FGF12: variants seen among roughly 807,000 people sequenced by gnomAD.
FGF12 encodes the protein fibroblast growth factor 12B.
FGF12 carries 14 observed loss-of-function variants against 23.6 expected under a neutral mutation model. The ratio of observed to expected loss-of-function variants is 0.59; its 90% CI spans 0.39 to 0.93. FGF12 has a LOEUF of 0.93. Among genes scored for constraint, FGF12 ranks in the 40% least tolerant of loss-of-function variants. FGF12 has a pLI of 0.00. For synonymous variants in FGF12, 62 were observed against 77.3 expected, an observed-to-expected ratio of 0.80 and a Z score of 1.04; for missense variants, 175 against 217.8, an observed-to-expected ratio of 0.80 and a Z score of 1.24.
At chr3:192,334,571 G>A (rs973579635) in intron 4 of FGF12, among the ~76,000 whole-genome samples, 1 of 151,914 alleles carries the variant, frequency 6.6e-6, no homozygotes, top group Non-Finnish European at 1.5e-5. Flanking sequence ...TTCTCTCAAC[G>A]CATAAATTAT....
At chr3:192,636,311 T>A (rs1169096896) in intron 2 of FGF12, among the ~76,000 whole-genome samples, 6 of 152,184 alleles carry the variant, frequency 3.9e-5, no homozygotes, top group African/African-American at 9.7e-5. Flanking sequence ...AAGTTGAAAT[T>A]TATTTCCTTG....
At chr3:192,637,575 C>A (rs546294933) in intron 2 of FGF12, among the ~76,000 whole-genome samples, 1 of 152,248 alleles carries the variant, frequency 6.6e-6, no homozygotes, top group Admixed American at 6.5e-5. Flanking sequence ...AGGCTCTGTG[C>A]TAAGAGCTGT....
chr3:192,438,402 A>G (rs1011170159), intron 2 of FGF12, among the ~76,000 whole-genome samples: 2 of 152,214 alleles, frequency 1.3e-5, no homozygotes, highest in Admixed American at 6.5e-5. Flanking sequence ...GAAGGTATAA[A>G]TGGATACAAA....
chr3:192,232,439 T>C (rs1719069759), intron 4 of FGF12, among the ~76,000 whole-genome samples: 1 of 151,894 alleles, frequency 6.6e-6, no homozygotes, highest in Admixed American at 6.6e-5. Context: ...CAGGAAAGAG[T>C]TCTCATAATT....
intron 4 of FGF12, among the ~76,000 whole-genome samples, chr3:192,183,587 G>T (rs530578739): frequency 1.3e-5 from 2 of 152,296 alleles, no homozygotes; most frequent in South Asian, 4.1e-4. Context: ...TCATTTACCT[G>T]TATCATGTTT....
At chr3:192,401,629 T>C (rs900015291) in intron 2 of FGF12, among the ~76,000 whole-genome samples, 1 of 152,190 alleles carries the variant, frequency 6.6e-6, no homozygotes, top group Admixed American at 6.5e-5. Flanking sequence ...AAAGGCAAAG[T>C]GCCCAATTAA....
At chr3:192,487,908 G>A (rs1332737524) in intron 2 of FGF12, among the ~76,000 whole-genome samples, 1 of 152,056 alleles carries the variant, frequency 6.6e-6, no homozygotes, top group African/African-American at 2.4e-5. Flanking sequence ...TGGGACCTGG[G>A]AAGCTTCTCA....
chr3:192,533,576 G>A (rs75576447), intron 2 of FGF12, among the ~76,000 whole-genome samples: 2,156 of 152,278 alleles, frequency 0.014, 44 homozygotes, highest in African/African-American at 0.046. Context: ...AGAGCTTCTT[G>A]AATTTAGAAA....
At chr3:192,517,823 A>G (rs553979108) in intron 2 of FGF12, among the ~76,000 whole-genome samples, 1 of 152,162 alleles carries the variant, frequency 6.6e-6, no homozygotes, top group Non-Finnish European at 1.5e-5. Flanking sequence ...CAGGATTTCA[A>G]TGTTCATGCT....
At chr3:192,191,792 C>T (rs1476748758) in intron 4 of FGF12, among the ~76,000 whole-genome samples, 1 of 150,714 alleles carries the variant, frequency 6.6e-6, no homozygotes. Flanking sequence ...GCAGAGATCA[C>T]GCCACTGTAC....
chr3:192,676,464 T>C (rs952613059), intron 2 of FGF12, among the ~76,000 whole-genome samples: 1 of 152,240 alleles, frequency 6.6e-6, no homozygotes, highest in Non-Finnish European at 1.5e-5. Context: ...AGCTTCCTGT[T>C]TTGTGGTCCA....
intron 4 of FGF12, among the ~76,000 whole-genome samples, chr3:192,331,093 A>G (rs989521006): frequency 1.3e-5 from 2 of 152,168 alleles, no homozygotes; most frequent in South Asian, 2.1e-4. Context: ...ACAAATGACT[A>G]GCAGGTATGT....
At position 192,258,674 on chromosome 3, in the gene FGF12, A is replaced by C. The variant is rs577740163; in HGVS notation, c.228+76687T>G. ...AAGCATTTTATTTTTATACTATTAAAGAAAGTATAAAAACTTTTGGGTGAC... is the reference window on the plus strand; with the variant it reads ...AAGCATTTTATTTTTATACTATTAACGAAAGTATAAAAACTTTTGGGTGAC... On this transcript the variant is annotated intron_variant, in intron 4 of 5. Transcript: ENST00000445105. Among the ~76,000 whole-genome samples the C allele has an allele frequency of 2.6e-5, 4 of 152,302 alleles. No individual in the cohort carries two copies. The East Asian group carries it at 5.8e-4, about 22-fold the overall frequency.
chr3:192,464,498 T>TGG (rs1722951788), intron 2 of FGF12, among the ~76,000 whole-genome samples: 2 of 123,814 alleles, frequency 1.6e-5, no homozygotes, highest in South Asian at 2.9e-4. Context: ...TAGTATTCCA[T>TGG]GGTGTGTGTG....
chr3:192,192,518 T>TA (rs1716846512), intron 4 of FGF12, among the ~76,000 whole-genome samples: 1 of 148,930 alleles, frequency 6.7e-6, no homozygotes, highest in South Asian at 2.1e-4. Context: ...AAATTATATA[T>TA]ATACACACAC....
intron 3 of FGF12, among the ~76,000 whole-genome samples, chr3:192,337,561 AG>A (rs1305324450): frequency 2.6e-5 from 4 of 152,182 alleles, no homozygotes; most frequent in African/African-American, 9.6e-5. Context: ...TGAAAACTAG[AG>A]CAACAACACA....
At chr3:192,558,840 A>G (rs1711897468) in intron 2 of FGF12, among the ~76,000 whole-genome samples, 1 of 151,964 alleles carries the variant, frequency 6.6e-6, no homozygotes. Context: ...TGCCAAGACT[A>G]CAAAATGGAG....
intron 2 of FGF12, among the ~76,000 whole-genome samples, chr3:192,488,254 C>A (rs1723696287): frequency 6.6e-6 from 1 of 151,934 alleles, no homozygotes; most frequent in Non-Finnish European, 1.5e-5. Context: ...CCAATAGATA[C>A]AATAATTATG....
chr3:192,221,080 G>A (rs971055126), intron 4 of FGF12, among the ~76,000 whole-genome samples: 1 of 152,164 alleles, frequency 6.6e-6, no homozygotes, highest in Non-Finnish European at 1.5e-5. Flanking sequence ...AGATAAGACT[G>A]GGTCTCAGCC....
Sources: allele counts gnomAD v4.1 joint callset (sites outside exome capture counted in the v4.1 genomes callset), GRCh38; gene constraint gnomAD v4.1.1; transcripts MANE v1.5; gene names NCBI Gene and HGNC (gene_info 2026-07-23, HGNC 2026-07-21).